Variants in ARHGEF4 observed in about 807,000 individuals in gnomAD.
ARHGEF4 encodes the protein Rho guanine nucleotide exchange factor 4, also known as APC-stimulated guanine nucleotide exchange factor 1.
ARHGEF4 carries 119 observed loss-of-function variants against 162.0 expected under a neutral mutation model. That is an observed-to-expected ratio of 0.73 (90% confidence interval 0.63 to 0.86). ARHGEF4 has a LOEUF of 0.86. Among genes scored for constraint, ARHGEF4 ranks in the 40% least tolerant of loss-of-function variants. ARHGEF4 has a pLI of 0.00. For missense variants in ARHGEF4, 2,488 were observed against 2,456.0 expected, an observed-to-expected ratio of 1.01 and a Z score of -0.28; for synonymous variants, 1,014 against 979.9, an observed-to-expected ratio of 1.03 and a Z score of -0.65.
intron 4 of ARHGEF4, among the ~76,000 whole-genome samples, chr2:130,987,954 C>T (rs1686632906): frequency 6.6e-6 from 1 of 152,162 alleles, no homozygotes; most frequent in Admixed American, 6.5e-5. Flanking sequence ...CTGTACCACT[C>T]ACTGTGACAG....
chr2:130,919,507 A>G (rs1477945012), intron 2 of ARHGEF4, among the ~76,000 whole-genome samples: 1 of 152,192 alleles, frequency 6.6e-6, no homozygotes, highest in Non-Finnish European at 1.5e-5. Context: ...AAGACATTTT[A>G]GTGTTAGGCA....
chr2:130,975,555 T>C (rs1022221825), intron 4 of ARHGEF4, among the ~76,000 whole-genome samples: 14 of 152,192 alleles, frequency 9.2e-5, no homozygotes, highest in African/African-American at 3.1e-4. Flanking sequence ...CTGCCCCACT[T>C]TGCCTTGCCT....
intron 3 of ARHGEF4, among the ~76,000 whole-genome samples, chr2:130,937,628 T>C (rs1050624070): frequency 6.6e-6 from 1 of 152,012 alleles, no homozygotes; most frequent in African/African-American, 2.4e-5. Context: ...TTTCTTTTCT[T>C]TCCCTGAGTG....
At chr2:130,956,975 CAATA>C (rs958343991) in intron 4 of ARHGEF4, among the ~76,000 whole-genome samples, 2 of 151,608 alleles carry the variant, frequency 1.3e-5, no homozygotes, top group African/African-American at 2.4e-5. Context: ...TAAAAAAAGC[CAATA>C]AATAAATAAA....
intron 4 of ARHGEF4, among the ~76,000 whole-genome samples, chr2:131,020,113 G>A (rs12993510): frequency 0.97 from 148,281 of 152,344 alleles, 72,229 homozygotes; most frequent in Non-Finnish European, 0.99. Flanking sequence ...TATGCTACAT[G>A]TAAGAAGATG....
At chr2:130,965,305 C>T (rs1306801769) in intron 4 of ARHGEF4, among the ~76,000 whole-genome samples, 1 of 152,244 alleles carries the variant, frequency 6.6e-6, no homozygotes, top group Non-Finnish European at 1.5e-5. Context: ...AGAGTTTGGA[C>T]TTTGCAGTCA....
intron 4 of ARHGEF4, among the ~76,000 whole-genome samples, chr2:130,994,713 T>G (rs1408697310): frequency 6.6e-6 from 1 of 152,232 alleles, no homozygotes; most frequent in Non-Finnish European, 1.5e-5. Context: ...GTGTTTTCCT[T>G]AAGGAGATTG....
intron 1 of ARHGEF4, among the ~76,000 whole-genome samples, chr2:130,849,755 A>T (rs1681267282): frequency 6.6e-6 from 1 of 151,934 alleles, no homozygotes; most frequent in Non-Finnish European, 1.5e-5. Context: ...TTTAGTAGAG[A>T]CAGTGTTTCA....
chr2:130,849,465 G>C (rs1248002793), intron 1 of ARHGEF4, among the ~76,000 whole-genome samples: 2 of 152,034 alleles, frequency 1.3e-5, no homozygotes, highest in Non-Finnish European at 1.5e-5. Flanking sequence ...CACCCCACAG[G>C]CTGTCCCAGG....
chr2:130,867,902 G>A (rs1350394985), intron 1 of ARHGEF4, among the ~76,000 whole-genome samples: 5 of 151,488 alleles, frequency 3.3e-5, no homozygotes, highest in Non-Finnish European at 7.4e-5. Flanking sequence ...TGTGGTGGGA[G>A]CAAGGTGGAT....
At chr2:130,998,947 T>C (rs1161585464) in intron 4 of ARHGEF4, among the ~76,000 whole-genome samples, 1 of 152,178 alleles carries the variant, frequency 6.6e-6, no homozygotes, top group Non-Finnish European at 1.5e-5. Flanking sequence ...GGATGAGAGC[T>C]CCTGTTGTTC....
intron 3 of ARHGEF4, among the ~76,000 whole-genome samples, chr2:130,940,725 G>T (rs1401899080): frequency 1.3e-5 from 2 of 149,648 alleles, no homozygotes; most frequent in African/African-American, 4.9e-5. Context: ...CAGCTACTCG[G>T]AGAGGCTGAG....
chr2:130,853,338 T>C (rs1170602889), intron 1 of ARHGEF4, among the ~76,000 whole-genome samples: 1 of 152,194 alleles, frequency 6.6e-6, no homozygotes, highest in Non-Finnish European at 1.5e-5. Flanking sequence ...TTGGCTGGTC[T>C]CTGCCTTCTT....
intron 2 of ARHGEF4, among the ~76,000 whole-genome samples, chr2:130,917,915 C>A (rs1399711706): frequency 6.6e-6 from 1 of 150,780 alleles, no homozygotes; most frequent in African/African-American, 2.4e-5. Context: ...CTCTGCCTCC[C>A]GGATTCAGGC....
intron 5 of ARHGEF4, among the ~76,000 whole-genome samples, chr2:131,028,752 C>A (rs148850506): frequency 6.6e-6 from 1 of 152,138 alleles, no homozygotes; most frequent in Non-Finnish European, 1.5e-5. Flanking sequence ...TGTTGTTGAA[C>A]GTCATGGAAG....
At chr2:131,002,275 G>A (rs748456691) in intron 4 of ARHGEF4, among the ~76,000 whole-genome samples, 4 of 152,176 alleles carry the variant, frequency 2.6e-5, no homozygotes, top group Non-Finnish European at 5.9e-5. Context: ...CCTGGAATTA[G>A]ACACTTAAAA....
chr2:131,035,240 T>C, intron 5 of ARHGEF4: 1 of 1,223,088 alleles, frequency 8.2e-7, no homozygotes, highest in African/African-American at 1.6e-5. Context: ...GTCGTACTGA[T>C]CTTCCTGCTG....
At chr2:130,964,478 C>A (rs1011260982) in intron 4 of ARHGEF4, among the ~76,000 whole-genome samples, 2 of 152,200 alleles carry the variant, frequency 1.3e-5, no homozygotes, top group African/African-American at 4.8e-5. Flanking sequence ...ACCGGTGGGC[C>A]ACCTGTTACA....
At chr2:130,878,187 T>A (rs1678979004) in intron 1 of ARHGEF4, among the ~76,000 whole-genome samples, 1 of 152,224 alleles carries the variant, frequency 6.6e-6, no homozygotes, top group South Asian at 2.1e-4. Flanking sequence ...CTGTCATATA[T>A]TCTTTATCTT....
Sources: allele counts gnomAD v4.1 joint callset (sites outside exome capture counted in the v4.1 genomes callset), GRCh38; gene constraint gnomAD v4.1.1; transcripts MANE v1.5; gene names NCBI Gene and HGNC (gene_info 2026-07-23, HGNC 2026-07-21).